NSMCE2: variants seen among roughly 807,000 people sequenced by gnomAD.
NSMCE2 encodes the protein E3 SUMO-protein ligase NSE2.
NSMCE2 carries 24 observed loss-of-function variants against 23.8 expected under a neutral mutation model. That is an observed-to-expected ratio of 1.01 (90% CI 0.73 to 1.42). NSMCE2 has a LOEUF of 1.42. Among genes scored for constraint, NSMCE2 ranks in the 40% most tolerant of loss-of-function variants. The pLI, the probability that NSMCE2 is intolerant of heterozygous loss-of-function variation, is 0.00. For synonymous variants in NSMCE2, 92 were observed against 94.1 expected (o/e 0.98, Z 0.13); for missense variants, 284 against 296.5 (o/e 0.96, Z 0.31).
chr8:125,130,542 T>C (rs748936070), intron 3 of NSMCE2, among the ~76,000 whole-genome samples: 6 of 152,114 alleles, frequency 3.9e-5, no homozygotes, highest in Non-Finnish European at 5.9e-5. Context: ...CAGCTATTTT[T>C]CCAAGGGCCC....
intron 5 of NSMCE2, among the ~76,000 whole-genome samples, chr8:125,292,590 A>C (rs1466911630): frequency 6.6e-6 from 1 of 152,146 alleles, no homozygotes; most frequent in Non-Finnish European, 1.5e-5. Context: ...ATGAAAAAGA[A>C]AATATTGTAG....
At chr8:125,291,013 A>G (rs1031865405) in intron 5 of NSMCE2, among the ~76,000 whole-genome samples, 4 of 152,226 alleles carry the variant, frequency 2.6e-5, no homozygotes, top group Non-Finnish European at 4.4e-5. Flanking sequence ...ACAGAAACTA[A>G]GGTAAGCTCT....
intron 4 of NSMCE2, 55 bp from the exon 5 acceptor site, chr8:125,182,048 T>G: frequency 7.6e-7 from 1 of 1,312,088 alleles, no homozygotes; most frequent in Admixed American, 2.3e-5. Context: ...TGCAAAACTT[T>G]GTTAACACTA....
At chr8:125,333,675 C>T (rs1185780241) in intron 5 of NSMCE2, among the ~76,000 whole-genome samples, 2 of 151,320 alleles carry the variant, frequency 1.3e-5, no homozygotes, top group Non-Finnish European at 2.9e-5. Flanking sequence ...CCACTACGCC[C>T]GGCTATTTTT....
rs10635587 is a variant in NSMCE2, at chr8:125,272,846, TAC to T, written c.419-84363_419-84362del. 1.2e-3 allele frequency among the ~76,000 whole-genome samples: 165 copies of T among 139,756 alleles called. 11 individuals carry two copies. In the Middle Eastern group the frequency reaches 0.031, roughly 26 times the overall value. 91.7% of individuals were successfully genotyped at this position (139,756 alleles called of 152,430 possible). On this transcript the variant is annotated intron_variant, in intron 5 of 7. Transcript: ENST00000287437. Reference sequence around the variant, plus strand: ...ATACACATATATATACACACGTATATACACACACACATATATATACACACGTA... The same window carrying T: ...ATACACATATATATACACACGTATATACACACACATATATATACACACGTA...
At chr8:125,180,589 A>G (rs777563476) in intron 4 of NSMCE2, among the ~76,000 whole-genome samples, 3 of 152,266 alleles carry the variant, frequency 2.0e-5, no homozygotes, top group Non-Finnish European at 4.4e-5. Context: ...TTAGAAGTAT[A>G]TGCTACTGAC....
At chr8:125,308,896 T>G (rs1828861167) in intron 5 of NSMCE2, among the ~76,000 whole-genome samples, 1 of 152,238 alleles carries the variant, frequency 6.6e-6, no homozygotes, top group South Asian at 2.1e-4. Context: ...GCCAGCCATC[T>G]GAGGACAATT....
chr8:125,129,584 G>A (rs145558272), intron 3 of NSMCE2, among the ~76,000 whole-genome samples: 105 of 150,982 alleles, frequency 7.0e-4, no homozygotes, highest in African/African-American at 2.4e-3. Flanking sequence ...GTGTGTCTGT[G>A]TGTTTCATTG....
chr8:125,134,680 T>G (rs1383989687), intron 3 of NSMCE2, among the ~76,000 whole-genome samples: 1 of 151,990 alleles, frequency 6.6e-6, no homozygotes, highest in Non-Finnish European at 1.5e-5. Context: ...GATATATGAT[T>G]TGTGAGTATT....
chr8:125,231,275 G>A (rs1013649335), intron 5 of NSMCE2, among the ~76,000 whole-genome samples: 3 of 152,230 alleles, frequency 2.0e-5, no homozygotes, highest in African/African-American at 7.2e-5. Context: ...TTCAGTAGAT[G>A]TGATTAAATG....
At chr8:125,337,609 G>T (rs1830099722) in intron 5 of NSMCE2, among the ~76,000 whole-genome samples, 1 of 152,128 alleles carries the variant, frequency 6.6e-6, no homozygotes, top group Non-Finnish European at 1.5e-5. Context: ...AAAACAACAG[G>T]TTTGGCCGGG....
intron 5 of NSMCE2, among the ~76,000 whole-genome samples, chr8:125,340,450 C>T (rs1322958264): frequency 1.3e-5 from 2 of 152,102 alleles, no homozygotes; most frequent in East Asian, 1.9e-4. Context: ...AGAAACAAGT[C>T]CTATTTTTAG....
intron 3 of NSMCE2, among the ~76,000 whole-genome samples, chr8:125,132,620 A>G (rs931359132): frequency 1.3e-5 from 2 of 152,070 alleles, no homozygotes; most frequent in Admixed American, 6.6e-5. Flanking sequence ...CAGCCTCCCA[A>G]GTAGCTGGGA....
chr8:125,222,648 C>T (rs1189163447), intron 5 of NSMCE2, among the ~76,000 whole-genome samples: 3 of 152,168 alleles, frequency 2.0e-5, no homozygotes, highest in Non-Finnish European at 4.4e-5. Context: ...GCTTATTTCA[C>T]CTAGCATAGT....
intron 5 of NSMCE2, among the ~76,000 whole-genome samples, chr8:125,209,810 A>G (rs1023616966): frequency 1.2e-4 from 18 of 152,204 alleles, no homozygotes; most frequent in African/African-American, 4.3e-4. Flanking sequence ...TTCAATGACA[A>G]GAAATTGGGA....
At chr8:125,359,529 C>T (rs1813437237) in intron 7 of NSMCE2, among the ~76,000 whole-genome samples, 2 of 151,902 alleles carry the variant, frequency 1.3e-5, no homozygotes, top group Admixed American at 1.3e-4. Context: ...GATGGGGTTT[C>T]TCCATGTTGG....
At chr8:125,247,601 T>G (rs529894594) in intron 5 of NSMCE2, among the ~76,000 whole-genome samples, 2 of 152,062 alleles carry the variant, frequency 1.3e-5, no homozygotes, top group South Asian at 4.2e-4. Flanking sequence ...GGCAGGCACC[T>G]GTAATCCCAG....
intron 5 of NSMCE2, among the ~76,000 whole-genome samples, chr8:125,196,179 C>T (rs372300605): frequency 6.6e-6 from 1 of 150,680 alleles, no homozygotes; most frequent in Non-Finnish European, 1.5e-5. Flanking sequence ...CCACCAAGTG[C>T]AGCCCTGGAT....
At chr8:125,133,786 AAAAAAG>A (rs1819903376) in intron 3 of NSMCE2, among the ~76,000 whole-genome samples, 1 of 152,136 alleles carries the variant, frequency 6.6e-6, no homozygotes, top group Non-Finnish European at 1.5e-5. Context: ...CCAAAACAAA[AAAAAAG>A]AAAAAGAAAA....
Sources: allele counts gnomAD v4.1 joint callset (sites outside exome capture counted in the v4.1 genomes callset), GRCh38; gene constraint gnomAD v4.1.1; transcripts MANE v1.5; gene names NCBI Gene and HGNC (gene_info 2026-07-23, HGNC 2026-07-21).